TENM2: variants seen among roughly 807,000 people sequenced by gnomAD.
The protein encoded by TENM2 is teneurin transmembrane protein 2.
In TENM2, 52 loss-of-function variants were observed where a neutral mutation model predicts 245.2. The observed-to-expected ratio is 0.21, with a 90% confidence interval of 0.17 to 0.27. The LOEUF (loss-of-function observed/expected upper bound fraction) is 0.27, where lower values mean the gene tolerates loss of function less well. TENM2 is among the 10% of genes least tolerant of loss of function. The pLI is 1.00. For missense variants in TENM2, 3,046 were observed against 3,666.8 expected (o/e 0.83, Z 4.37); for synonymous variants, 1,363 against 1,438.9 (o/e 0.95, Z 1.19).
At chr5:168,230,503 A>G (rs1196745686) in intron 25 of TENM2, among the ~76,000 whole-genome samples, 1 of 152,202 alleles carries the variant, frequency 6.6e-6, no homozygotes, top group Non-Finnish European at 1.5e-5. Context: ...GGAACTGGGG[A>G]GTGGCCATTT....
At chr5:167,486,279 G>A (rs1333788640) in intron 2 of TENM2, among the ~76,000 whole-genome samples, 1 of 151,414 alleles carries the variant, frequency 6.6e-6, no homozygotes, top group Non-Finnish European at 1.5e-5. Context: ...GGAGACAACA[G>A]TCTGACAATA....
At chr5:167,696,431 G>T (rs1020399335) in intron 2 of TENM2, among the ~76,000 whole-genome samples, 77 of 152,122 alleles carry the variant, frequency 5.1e-4, no homozygotes, top group Non-Finnish European at 2.4e-4. Context: ...TAGTTCCATT[G>T]TCTCCCTTCA....
intron 2 of TENM2, among the ~76,000 whole-genome samples, chr5:167,462,293 C>A (rs999858938): frequency 6.7e-6 from 1 of 148,914 alleles, no homozygotes; most frequent in Non-Finnish European, 1.5e-5. Flanking sequence ...GGTGCAGGAG[C>A]CAGGGCAAGT....
intron 6 of TENM2, among the ~76,000 whole-genome samples, chr5:168,048,864 A>G (rs1169524019): frequency 6.6e-6 from 1 of 152,218 alleles, no homozygotes; most frequent in Admixed American, 6.5e-5. Context: ...AGCATGAAAA[A>G]GTTTTATCTG....
At chr5:167,286,634 T>G (rs1004773681) in intron 1 of TENM2, among the ~76,000 whole-genome samples, 18 of 152,236 alleles carry the variant, frequency 1.2e-4, no homozygotes, top group Non-Finnish European at 2.9e-5. Flanking sequence ...CATTTTCTGC[T>G]GTAGTTTTTG....
chr5:167,443,369 G>A (rs577652822), intron 2 of TENM2, among the ~76,000 whole-genome samples: 9 of 152,174 alleles, frequency 5.9e-5, no homozygotes, highest in Non-Finnish European at 1.0e-4. Context: ...AATCCCATTC[G>A]TTTATGTATT....
chr5:167,422,731 T>C (rs1454706161), intron 2 of TENM2, among the ~76,000 whole-genome samples: 1 of 152,146 alleles, frequency 6.6e-6, no homozygotes, highest in Non-Finnish European at 1.5e-5. Context: ...TAACGTAAGA[T>C]ACCTCCATGA....
chr5:167,983,831 T>G (rs1783029205), intron 4 of TENM2, among the ~76,000 whole-genome samples: 1 of 152,178 alleles, frequency 6.6e-6, no homozygotes, highest in African/African-American at 2.4e-5. Flanking sequence ...TGAGTGGAGG[T>G]GCCTGCAATT....
intron 12 of TENM2, among the ~76,000 whole-genome samples, chr5:168,136,794 G>A (rs1035431107): frequency 6.6e-6 from 1 of 152,142 alleles, no homozygotes; most frequent in African/African-American, 2.4e-5. Context: ...CTGAATCCCA[G>A]TTTATACTCA....
chr5:167,321,848 A>C, intron 1 of TENM2, among the ~76,000 whole-genome samples: 1 of 104,494 alleles, frequency 9.6e-6, no homozygotes, highest in Non-Finnish European at 1.8e-5. Flanking sequence ...TCACTCTGCC[A>C]CCCAGACTGG....
chr5:168,050,748 G>T (rs1341181332), intron 6 of TENM2, among the ~76,000 whole-genome samples: 1 of 152,232 alleles, frequency 6.6e-6, no homozygotes, highest in East Asian at 1.9e-4. Context: ...TGATATGTTG[G>T]TGGAAACAAA....
chr5:167,635,707 C>G (rs1263054950), intron 2 of TENM2, among the ~76,000 whole-genome samples: 1 of 138,054 alleles, frequency 7.2e-6, no homozygotes, highest in Non-Finnish European at 1.5e-5. Context: ...TGCAATGGCG[C>G]TATCTCGGCT....
chr5:167,103,751 C>T, the TENM2 span, among the ~76,000 whole-genome samples: 1 of 152,214 alleles, frequency 6.6e-6, no homozygotes, highest in South Asian at 2.1e-4. Flanking sequence ...AGATATTTTA[C>T]ACTCCTTGGA....
chr5:167,000,128 T>C, the TENM2 span, among the ~76,000 whole-genome samples: 3 of 152,206 alleles, frequency 2.0e-5, no homozygotes, highest in Non-Finnish European at 4.4e-5. Flanking sequence ...AAAGCCATTG[T>C]TAAATTTCAG....
the TENM2 span, among the ~76,000 whole-genome samples, chr5:167,027,176 G>A: frequency 6.6e-6 from 1 of 152,176 alleles, no homozygotes; most frequent in Non-Finnish European, 1.5e-5. Context: ...TGTATTCATA[G>A]GATGGGTTGG....
chr5:168,124,685 C>CCATAAAAAGTAT (rs1414607223), intron 10 of TENM2, among the ~76,000 whole-genome samples, 165 bp from the exon 13 acceptor site: 1 of 152,140 alleles, frequency 6.6e-6, no homozygotes, highest in African/African-American at 2.4e-5. Flanking sequence ...TTATGGGTGT[C>CCATAAAAAGTAT]TTCAGGTGAC....
chr5:167,478,287 A>G (rs1263509994), intron 2 of TENM2, among the ~76,000 whole-genome samples: 1 of 152,220 alleles, frequency 6.6e-6, no homozygotes, highest in East Asian at 1.9e-4. Flanking sequence ...TTTTACATAG[A>G]AGAGTACAGC....
At chr5:167,961,100 G>A (rs1029323975) in intron 4 of TENM2, among the ~76,000 whole-genome samples, 2 of 152,216 alleles carry the variant, frequency 1.3e-5, no homozygotes, top group African/African-American at 4.8e-5. Context: ...CCTGGCTTCT[G>A]TGTTGATCTC....
At chr5:167,887,588 A>G (rs1190996533) in intron 3 of TENM2, among the ~76,000 whole-genome samples, 7 of 152,232 alleles carry the variant, frequency 4.6e-5, no homozygotes, top group African/African-American at 1.7e-4. Context: ...TTCCTTGGGA[A>G]GGACAGAGAG....
Sources: allele counts gnomAD v4.1 joint callset (sites outside exome capture counted in the v4.1 genomes callset), GRCh38; gene constraint gnomAD v4.1.1; transcripts MANE v1.5; gene names NCBI Gene and HGNC (gene_info 2026-07-23, HGNC 2026-07-21).